SLC4A10: variants seen among roughly 807,000 people sequenced by gnomAD.
The protein encoded by SLC4A10 is solute carrier family 4 member 10, also known as sodium-driven chloride bicarbonate exchanger.
SLC4A10 carries 42 observed loss-of-function variants against 137.7 expected under a neutral mutation model. That is an observed-to-expected ratio of 0.30 (90% confidence interval 0.24 to 0.39). The LOEUF is 0.39. Ranked by LOEUF, SLC4A10 falls within the 10% of genes least tolerant of loss-of-function variation. The pLI is 1.00. For missense variants in SLC4A10, 925 were observed against 1,355.0 expected, an observed-to-expected ratio of 0.68 and a Z score of 4.98; for synonymous variants, 474 against 464.1, an observed-to-expected ratio of 1.02 and a Z score of -0.27.
At chr2:161,666,134 A>C (rs538482339) in intron 1 of SLC4A10, among the ~76,000 whole-genome samples, 1 of 151,484 alleles carries the variant, frequency 6.6e-6, no homozygotes, top group African/African-American at 2.4e-5. Flanking sequence ...GGTATCATAC[A>C]TTTTTGATAT....
chr2:161,655,749 A>G (rs1394389531), intron 1 of SLC4A10, among the ~76,000 whole-genome samples: 1 of 152,134 alleles, frequency 6.6e-6, no homozygotes, highest in Non-Finnish European at 1.5e-5. Flanking sequence ...ACAGGCCAAT[A>G]TTGGTGATGA....
intron 1 of SLC4A10, among the ~76,000 whole-genome samples, chr2:161,755,040 C>A (rs1440365708): frequency 2.0e-5 from 3 of 152,086 alleles, no homozygotes; most frequent in African/African-American, 7.2e-5. Flanking sequence ...TGAACTTGTT[C>A]TTTTTAGTGT....
At chr2:161,870,066 T>C (rs1225680566) in intron 6 of SLC4A10, among the ~76,000 whole-genome samples, 2 of 151,258 alleles carry the variant, frequency 1.3e-5, no homozygotes, top group African/African-American at 4.8e-5. Context: ...ATCAACCTTA[T>C]AAAGTAATAT....
intron 10 of SLC4A10, among the ~76,000 whole-genome samples, chr2:161,882,728 A>T (rs2061898467): frequency 6.6e-6 from 1 of 152,138 alleles, no homozygotes; most frequent in Admixed American, 6.6e-5. Flanking sequence ...TGTGCTACCA[A>T]AGTAAGCACC....
At chr2:161,642,918 G>T (rs575822901) in intron 1 of SLC4A10, among the ~76,000 whole-genome samples, 2 of 151,824 alleles carry the variant, frequency 1.3e-5, no homozygotes, top group East Asian at 1.9e-4. Flanking sequence ...AAAATCATTT[G>T]GTTCAAGTTT....
intron 15 of SLC4A10, among the ~76,000 whole-genome samples, chr2:161,933,179 CTTCT>C (rs1255463264): frequency 8.4e-6 from 1 of 118,632 alleles, no homozygotes; most frequent in Admixed American, 9.1e-5. Flanking sequence ...TTTCCCCTTC[CTTCT>C]TTTCTTTCTT....
At chr2:161,765,502 G>C (rs901479973) in intron 1 of SLC4A10, among the ~76,000 whole-genome samples, 1 of 151,772 alleles carries the variant, frequency 6.6e-6, no homozygotes, top group Non-Finnish European at 1.5e-5. Flanking sequence ...AGTTACTCAG[G>C]AGGCTGAGGC....
chr2:161,881,916 C>T (rs916552169), intron 9 of SLC4A10, among the ~76,000 whole-genome samples: 1 of 151,818 alleles, frequency 6.6e-6, no homozygotes, highest in Non-Finnish European at 1.5e-5. Context: ...TTTTTTGACT[C>T]TATATTTTCT....
intron 19 of SLC4A10, among the ~76,000 whole-genome samples, chr2:161,951,485 A>G (rs1259389852): frequency 1.3e-5 from 2 of 152,218 alleles, no homozygotes; most frequent in African/African-American, 2.4e-5. Flanking sequence ...TGCCTGAGAT[A>G]TGTAATGTAA....
rs933236812 is a variant in SLC4A10 at position 161,804,660 on chromosome 2, G to A, written c.277+65G>A. 4 of 1,451,274 alleles carry A rather than the reference G, an allele frequency of 2.8e-6. No individual in the cohort carries two copies. In the African/African-American group the frequency reaches 5.7e-5, roughly 21 times the overall value. 89.9% of individuals were successfully genotyped at this position (1,451,274 alleles called of 1,614,324 possible). On this transcript the variant is annotated intron_variant, in intron 3 of 26. Transcript: ENST00000446997. Reference sequence around the variant, plus strand: ...GTAATATACTTGCTTATACAATTATGATTAGGAGTAATACCTTATACTCAT... The same window carrying A: ...GTAATATACTTGCTTATACAATTATAATTAGGAGTAATACCTTATACTCAT...
intron 2 of SLC4A10, among the ~76,000 whole-genome samples, chr2:161,778,349 A>G (rs2052622118): frequency 6.6e-6 from 1 of 151,950 alleles, no homozygotes; most frequent in Admixed American, 6.6e-5. Context: ...ATGAAAGTTT[A>G]TGCCTTTTCT....
At chr2:161,679,567 C>A (rs2040620541) in intron 1 of SLC4A10, among the ~76,000 whole-genome samples, 1 of 151,866 alleles carries the variant, frequency 6.6e-6, no homozygotes, top group African/African-American at 2.4e-5. Flanking sequence ...CTCAAGTTAC[C>A]TTTAGAGATT....
intron 15 of SLC4A10, among the ~76,000 whole-genome samples, chr2:161,932,301 A>G (rs992439134): frequency 7.9e-5 from 12 of 152,204 alleles, no homozygotes; most frequent in African/African-American, 2.9e-4. Flanking sequence ...TAACACTGCC[A>G]CTACTGTAAA....
intron 15 of SLC4A10, among the ~76,000 whole-genome samples, chr2:161,929,687 G>T (rs570144453): frequency 1.3e-5 from 2 of 152,028 alleles, no homozygotes; most frequent in African/African-American, 2.4e-5. Context: ...TAGCATTTGG[G>T]CCCTCCCCTT....
At chr2:161,731,907 T>G (rs1448163671) in intron 1 of SLC4A10, among the ~76,000 whole-genome samples, 1 of 152,138 alleles carries the variant, frequency 6.6e-6, no homozygotes, top group Non-Finnish European at 1.5e-5. Flanking sequence ...GAAAAGTTAC[T>G]TATATTCTCT....
At chr2:161,949,867 C>A (rs1335278881) in intron 18 of SLC4A10, among the ~76,000 whole-genome samples, 1 of 151,584 alleles carries the variant, frequency 6.6e-6, no homozygotes. Flanking sequence ...ATATATGTGA[C>A]CTATCACATG....
rs149182473 is a variant in SLC4A10, at chr2:161,880,579, C to T, written c.1106+1291C>T. 1.8e-4 allele frequency among the ~76,000 whole-genome samples: 27 copies of T among 152,156 alleles called. No homozygotes were observed. The East Asian group carries it at 5.0e-3, about 28-fold the overall frequency. On this transcript the variant is annotated intron_variant, in intron 9 of 26. Transcript: ENST00000446997. ...GAGAGTTACTGAGATGACTGATACA[C>T]ATCAACTTTTATGTACAAAGGGAAA...
intron 24 of SLC4A10, among the ~76,000 whole-genome samples, chr2:161,976,471 T>C (rs1016542211): frequency 6.6e-6 from 1 of 151,468 alleles, no homozygotes; most frequent in African/African-American, 2.4e-5. Context: ...AAATGGAGAG[T>C]TGTGGTTTAG....
chr2:161,689,178 A>G (rs1299047570), intron 1 of SLC4A10, among the ~76,000 whole-genome samples: 1 of 152,158 alleles, frequency 6.6e-6, no homozygotes, highest in Non-Finnish European at 1.5e-5. Context: ...GTTAAGAAAG[A>G]AAGAGTTTTA....
Sources: gnomAD v4.1 joint callset for allele counts (sites outside exome capture counted in the v4.1 genomes callset) on GRCh38, gnomAD v4.1.1 for gene constraint, MANE v1.5 for transcripts, NCBI Gene and HGNC (gene_info 2026-07-23, HGNC 2026-07-21) for gene names.